CAVIN2: variants seen among roughly 807,000 people sequenced by gnomAD.
CAVIN2 encodes caveolae-associated protein 2.
CAVIN2 carries 13 observed loss-of-function variants against 11.7 expected under a neutral mutation model. The ratio of observed to expected loss-of-function variants is 1.11; its 90% CI spans 0.72 to 1.77. The LOEUF is 1.77. Among genes scored for constraint, CAVIN2 ranks in the 40% most tolerant of loss-of-function variants. CAVIN2 has a pLI of 0.00. For missense variants in CAVIN2, 549 were observed against 542.9 expected (o/e 1.01, Z -0.11); for synonymous variants, 237 against 223.2 (o/e 1.06, Z -0.55).
chr2:191,838,153 G>A (rs925454468), intron 1 of CAVIN2, among the ~76,000 whole-genome samples: 6 of 152,202 alleles, frequency 3.9e-5, no homozygotes, highest in African/African-American at 1.2e-4. Context: ...AAGTCTACCT[G>A]GGACTTAAAC....
At chr2:191,843,988 C>T (rs565249935) in intron 1 of CAVIN2, among the ~76,000 whole-genome samples, 2 of 152,146 alleles carry the variant, frequency 1.3e-5, no homozygotes, top group Admixed American at 6.5e-5. Context: ...AAGCCATAAA[C>T]GTTTTCGAAT....
chr2:191,846,425 G>A lies in CAVIN2; in HGVS notation c.483+18C>T, dbSNP rs377744860. Reference sequence around the variant, plus strand: ...AGGAGTTCCAGCCCGCCTGTAAGGAGGCATAGGGGGAACTGACCTGGAAGA... The same window carrying A: ...AGGAGTTCCAGCCCGCCTGTAAGGAAGCATAGGGGGAACTGACCTGGAAGA... On this transcript the variant is annotated intron_variant, in intron 1 of 1. Coordinates refer to ENST00000304141, the MANE Select transcript of CAVIN2 (RefSeq NM_004657.6). 3.1e-6 allele frequency: 5 copies of A among 1,599,466 alleles called. No individual in the cohort carries two copies. In the African/African-American group the frequency reaches 6.7e-5, roughly 21 times the overall value.
rs190376078 is a variant in CAVIN2 at position 191,839,152 on chromosome 2, G to T, written c.484-2435C>A. 5.4e-3 allele frequency among the ~76,000 whole-genome samples: 815 copies of T among 152,318 alleles called. 3 individuals are homozygous for T. Among genetic ancestry groups the T allele is most frequent in the Admixed American group, 0.012 (188 of 15,304 alleles). ...CTTACAGGAAAGGAAGAAACCAAGA[G>T]ATCAGTGAAATGTCATTAAAAGTCC... is the stretch of plus-strand genomic sequence containing the variant. On this transcript the variant is annotated intron_variant, in intron 1 of 1. Transcript: ENST00000304141.
At chr2:191,838,092 G>C (rs180673964) in intron 1 of CAVIN2, among the ~76,000 whole-genome samples, 24 of 152,328 alleles carry the variant, frequency 1.6e-4, no homozygotes, top group Non-Finnish European at 2.8e-4. Context: ...TATATCTAAG[G>C]CTGTTCAGTA....
Position 191,835,846 on chromosome 2 carries a change from G to A in CAVIN2, c.*77C>T, listed in dbSNP as rs964043085. On this transcript the variant is annotated 3_prime_UTR_variant, in exon 2 of 2. Coordinates refer to ENST00000304141, the MANE Select transcript of CAVIN2 (RefSeq NM_004657.6). ...AACGCAGGAGTGGGTGAGTCGTGCT[G>A]GAGATGTGCAAGAGTTTGTTCTTCA... 2 of 1,413,206 alleles carry A rather than the reference G, an allele frequency of 1.4e-6. No individual in the cohort carries two copies. The highest frequency in any genetic ancestry group is 2.0e-5 in the Admixed American group (1 of 50,716). 87.5% of individuals were successfully genotyped at this position (1,413,206 alleles called of 1,614,324 possible).
intron 1 of CAVIN2, 143 bp downstream of exon 1, chr2:191,846,300 A>G: frequency 9.7e-7 from 1 of 1,035,196 alleles, no homozygotes; most frequent in Non-Finnish European, 1.4e-6. Flanking sequence ...TGCTTTCCGC[A>G]GGCAGACAGG....
chr2:191,836,067 T>C lies in CAVIN2; in HGVS notation c.1134A>G (p.Glu378=), dbSNP rs140515507. ...MDSNIDLTIV[E]DEEEESVALE... ...GGGCCACTGACTCCTCCTCTTCATC[T>C]TCCACAATAGTCAAGTCGATGTTGC... Residue 378 remains glutamate (E), a synonymous_variant, in exon 2 of 2, where the codon GAA becomes GAG. Transcript: ENST00000304141. The C allele has an allele frequency of 1.3e-5, 21 of 1,614,098 alleles. No individual in the cohort carries two copies. The highest frequency in any genetic ancestry group is 1.0e-4 in the Admixed American group (6 of 60,008).
At position 191,836,701 on chromosome 2, in the gene CAVIN2, G is replaced by A. The variant is rs778754076; in HGVS notation, c.500C>T (p.Pro167Leu). The change falls in exon 2 of 2, where the codon CCT becomes CTT. Residue 167 changes from proline (P) to leucine (L), a missense_variant. Pro to Leu is a moderately conservative substitution (Grantham distance 98, BLOSUM62 -3). Transcript: ENST00000304141. ...VLIFQEENEIPASVFVKQPVS... is the reference protein window; with the variant it reads ...VLIFQEENEILASVFVKQPVS... ...GGGCTGTTTCACAAACACGCTGGCAGGGATCTCATTTTCCTCCTGAAAAGA... is the reference window on the plus strand; with the variant it reads ...GGGCTGTTTCACAAACACGCTGGCAAGGATCTCATTTTCCTCCTGAAAAGA... 1.9e-6 allele frequency: 3 copies of A among 1,612,144 alleles called. No individual in the cohort carries two copies. The highest frequency in any genetic ancestry group is 2.2e-5 in the East Asian group (1 of 44,840).
At chr2:191,838,376 G>A (rs1222311399) in intron 1 of CAVIN2, among the ~76,000 whole-genome samples, 1 of 152,128 alleles carries the variant, frequency 6.6e-6, no homozygotes, top group Non-Finnish European at 1.5e-5. Context: ...ATACAACCCT[G>A]TGTCTCCCCT....
chr2:191,836,250 GTCT>G lies in CAVIN2; in HGVS notation c.948_950del (p.Glu316del), dbSNP rs754687974. 4.3e-6 allele frequency: 7 copies of G among 1,614,088 alleles called. No individual in the cohort carries two copies. Among genetic ancestry groups the G allele is most frequent in the Non-Finnish European group, 5.9e-6 (7 of 1,180,032 alleles). On this transcript the variant is annotated inframe_deletion, in exon 2 of 2. Transcript: ENST00000304141. ...TTGGCATCTGCTCACTGCTAGGCAG[GTCT>G]TCTGACTTGGTCTCATTTTCTGCAT...
At chr2:191,843,183 C>T (rs1344578045) in intron 1 of CAVIN2, among the ~76,000 whole-genome samples, 1 of 151,254 alleles carries the variant, frequency 6.6e-6, no homozygotes, top group African/African-American at 2.4e-5. Flanking sequence ...GACTCCGTCT[C>T]AAAGAAAAAA....
In CAVIN2 at chr2:191,835,973, C is replaced by A; in HGVS notation, c.1228G>T (p.Asp410Tyr). ...ACGGCGGGCTGCACGGGGTCCCCATCGGAGCGCTCCGCCTCCTCGGATGTT... is the reference window on the plus strand; with the variant it reads ...ACGGCGGGCTGCACGGGGTCCCCATAGGAGCGCTCCGCCTCCTCGGATGTT... ...ALTSEEAERS[D>Y]GDPVQPAVLQ... The change falls in exon 2 of 2, where the codon GAT becomes TAT. Residue 410 changes from aspartate (D) to tyrosine (Y), a missense_variant. By Grantham distance (160) the Asp-to-Tyr change is radical. Transcript: ENST00000304141. The A allele has an allele frequency of 6.2e-7, 1 of 1,614,042 alleles. No homozygotes were observed. The highest frequency in any genetic ancestry group is 1.1e-5 in the South Asian group (1 of 91,076).
rs913715764 is a variant in CAVIN2 at position 191,835,902 on chromosome 2, G to A, written c.*21C>T. 1 of 1,599,608 alleles carries A rather than the reference G, an allele frequency of 6.3e-7. No individual in the cohort carries two copies. The highest frequency in any genetic ancestry group is 8.5e-7 in the Non-Finnish European group (1 of 1,175,598). ...GGCTGCCCGCTTGAGCACAGCACAG[G>A]ATGGCACGGTGGCTCTAAGCTCAGG... On this transcript the variant is annotated 3_prime_UTR_variant, in exon 2 of 2. Transcript: ENST00000304141.
At chr2:191,842,051 T>C (rs1690101638) in intron 1 of CAVIN2, among the ~76,000 whole-genome samples, 1 of 152,206 alleles carries the variant, frequency 6.6e-6, no homozygotes, top group East Asian at 1.9e-4. Flanking sequence ...TTCTTCCAGG[T>C]CTGTACTAAT....
rs770339322 is a variant in CAVIN2 at position 191,846,869 on chromosome 2, C to T, written c.57G>A (p.Arg19=). ...EKFQHPGSDM[R]QEKPSSPSPM... is the part of the protein sequence containing the mutation. Reference sequence around the variant, plus strand: ...GGCTGGGGCTCGAGGGCTTTTCCTGCCGCATGTCAGACCCAGGGTGCTGGA... The same window carrying T: ...GGCTGGGGCTCGAGGGCTTTTCCTGTCGCATGTCAGACCCAGGGTGCTGGA... Residue 19 remains arginine (R), a synonymous_variant, in exon 1 of 2, where the codon CGG becomes CGA. Coordinates refer to ENST00000304141, the MANE Select transcript of CAVIN2 (RefSeq NM_004657.6). The T allele has an allele frequency of 1.1e-5, 18 of 1,613,946 alleles. No individual in the cohort carries two copies. Among genetic ancestry groups the T allele is most frequent in the East Asian group, 2.2e-5 (1 of 44,882 alleles).
chr2:191,835,674 TTTC>T lies in CAVIN2; in HGVS notation c.*246_*248del, dbSNP rs1690002623. The T allele has an allele frequency of 4.5e-6, 2 of 445,830 alleles. No homozygotes were observed. The highest frequency in any genetic ancestry group is 6.2e-5 in the South Asian group (1 of 16,126). The allele number at this position is 445,830 out of a possible 1,614,324, so 27.6% of individuals were successfully genotyped here. On this transcript the variant is annotated 3_prime_UTR_variant, in exon 2 of 2. Coordinates refer to ENST00000304141, the MANE Select transcript of CAVIN2 (RefSeq NM_004657.6). Reference sequence around the variant, plus strand: ...AGATTAGCATTTTTCAACTGCTCAGTTTCTTCTTCAATCTTGGAGACATTCTAC... The same window carrying T: ...AGATTAGCATTTTTCAACTGCTCAGTTTCTTCAATCTTGGAGACATTCTAC...
At chr2:191,843,715 G>A (rs1690127202) in intron 1 of CAVIN2, among the ~76,000 whole-genome samples, 2 of 152,150 alleles carry the variant, frequency 1.3e-5, no homozygotes, top group African/African-American at 4.8e-5. Context: ...TTTACCCAAG[G>A]ACCATATTTC....
intron 1 of CAVIN2, among the ~76,000 whole-genome samples, chr2:191,844,317 C>A (rs1690135511): frequency 6.6e-6 from 1 of 152,170 alleles, no homozygotes; most frequent in Non-Finnish European, 1.5e-5. Context: ...TTAGAAGGAA[C>A]AAGAGAGTCC....
chr2:191,845,817 G>A (rs1198750665), intron 1 of CAVIN2, among the ~76,000 whole-genome samples: 1 of 152,162 alleles, frequency 6.6e-6, no homozygotes, highest in Non-Finnish European at 1.5e-5. Flanking sequence ...CACGTCTAGT[G>A]TGTTTGTACT....
Sources: gnomAD v4.1 joint callset for allele counts (sites outside exome capture counted in the v4.1 genomes callset) on GRCh38, gnomAD v4.1.1 for gene constraint, MANE v1.5 for transcripts, NCBI Gene and HGNC (gene_info 2026-07-23, HGNC 2026-07-21) for gene names.